UPB1: variants seen among roughly 807,000 people sequenced by gnomAD.
The protein encoded by UPB1 is beta-ureidopropionase 1, also known as beta-ureidopropionase.
UPB1 carries 40 observed loss-of-function variants against 49.1 expected under a neutral mutation model. That is an observed-to-expected ratio of 0.81 (90% CI 0.63 to 1.06). The LOEUF (loss-of-function observed/expected upper bound fraction) is 1.06. Among genes scored for constraint, UPB1 ranks in the 50% least tolerant of loss-of-function variants. The pLI is 0.00. For missense variants in UPB1, 499 were observed against 505.9 expected, an observed-to-expected ratio of 0.99 and a Z score of 0.13; for synonymous variants, 207 against 198.2, an observed-to-expected ratio of 1.04 and a Z score of -0.38.
chr22:24,515,951 G>A (rs750069196), intron 6 of UPB1, among the ~76,000 whole-genome samples: 80 of 152,142 alleles, frequency 5.3e-4, no homozygotes, highest in Non-Finnish European at 1.5e-4. Context: ...ACTCCAGCCT[G>A]GTGATAGAGC....
intron 9 of UPB1, 100 bp downstream of exon 9, chr22:24,523,873 T>C: frequency 6.4e-7 from 1 of 1,561,412 alleles, no homozygotes; most frequent in Non-Finnish European, 8.8e-7. Flanking sequence ...CAGCATGAGG[T>C]ACCAGCTCCC....
chr22:24,523,549 G>T, intron 8 of UPB1, 70 bp from the exon 9 acceptor site: 2 of 1,608,838 alleles, frequency 1.2e-6, no homozygotes, highest in East Asian at 2.2e-5. Flanking sequence ...GCCTCAAGGT[G>T]CCTGACCCTC....
chr22:24,513,585 C>T (rs1601502376), intron 5 of UPB1, 100 bp downstream of exon 5: 1 of 1,491,532 alleles, frequency 6.7e-7, no homozygotes, highest in Non-Finnish European at 9.1e-7. Flanking sequence ...TGTGCAGGAT[C>T]ATACTCCATG....
At chr22:24,499,270 A>G (rs1055041511) in intron 1 of UPB1, among the ~76,000 whole-genome samples, 4 of 152,174 alleles carry the variant, frequency 2.6e-5, no homozygotes, top group Non-Finnish European at 4.4e-5. Flanking sequence ...AATGGCTGTC[A>G]GGTTATTTTT....
intron 4 of UPB1, among the ~76,000 whole-genome samples, chr22:24,512,058 T>G (rs1002923311): frequency 1.3e-5 from 2 of 152,200 alleles, no homozygotes; most frequent in African/African-American, 4.8e-5. Flanking sequence ...TAGGGGCTTT[T>G]GGGGCAGAGC....
At chr22:24,512,734 A>G (rs2044228075) in intron 4 of UPB1, among the ~76,000 whole-genome samples, 1 of 152,014 alleles carries the variant, frequency 6.6e-6, no homozygotes, top group Non-Finnish European at 1.5e-5. Context: ...TATAGTTTCC[A>G]TTTCTGTGAG....
rs1033063297 is a variant in UPB1 at position 24,515,431 on chromosome 22, T to C, written c.791+61T>C. 7.4e-6 allele frequency: 12 copies of C among 1,611,168 alleles called. No individual in the cohort carries two copies. The Admixed American group carries it at 1.0e-4, about 13-fold the overall frequency. ...GGCCCAGCCAGCTAAAGCCCAAGGC[T>C]GGGCTGTGGAGCTCCAAGGTGGCAG... On this transcript the variant is annotated intron_variant, in intron 6 of 9. Coordinates refer to ENST00000326010, the MANE Select transcript of UPB1 (RefSeq NM_016327.3).
chr22:24,495,366 A>G lies in UPB1; in HGVS notation c.-38A>G, dbSNP rs1179904659. The G allele has an allele frequency of 1.9e-6, 3 of 1,607,190 alleles. No individual in the cohort carries two copies. Among genetic ancestry groups the G allele is most frequent in the Admixed American group, 1.7e-5 (1 of 60,022 alleles). ...CTCCCACTGCGGGCAAAGGGCAGGC[A>G]GTTCGTGCGCGGACACAAGCACTGG... On this transcript the variant is annotated 5_prime_UTR_variant, in exon 1 of 10. Transcript: ENST00000326010.
chr22:24,512,803 C>G (rs1022536191), intron 4 of UPB1, among the ~76,000 whole-genome samples: 3 of 152,128 alleles, frequency 2.0e-5, no homozygotes, highest in Non-Finnish European at 4.4e-5. Context: ...CTTTTTGGGA[C>G]TGGCTTATTT....
In UPB1 at chr22:24,528,296, C is replaced by T. The variant is rs2044497204; in HGVS notation, c.*2502C>T. 2.6e-5 allele frequency: 4 copies of T among 152,178 alleles called. No individual in the cohort carries two copies. The highest frequency in any genetic ancestry group is 2.6e-4 in the Admixed American group (4 of 15,270). 9.4% of individuals were successfully genotyped at this position (152,178 alleles called of 1,614,324 possible). A position where few individuals can be genotyped will look rare whatever the true frequency, so the allele number is the denominator to read the frequency against. ...TTGCCTGGAAACAGAACAGTCAGGCCCATCTTAGAGTATGCAGGCCCTGTA... is the reference window on the plus strand; with the variant it reads ...TTGCCTGGAAACAGAACAGTCAGGCTCATCTTAGAGTATGCAGGCCCTGTA... On this transcript the variant is annotated 3_prime_UTR_variant, in exon 10 of 10. Coordinates refer to ENST00000326010, the MANE Select transcript of UPB1 (RefSeq NM_016327.3).
chr22:24,496,980 A>G (rs2061974393), intron 1 of UPB1, among the ~76,000 whole-genome samples: 1 of 152,184 alleles, frequency 6.6e-6, no homozygotes, highest in Admixed American at 6.5e-5. Context: ...AGGGAGAGAC[A>G]GCAAGTGAGT....
At chr22:24,505,097 C>A (rs77556384) in intron 3 of UPB1, among the ~76,000 whole-genome samples, 4,037 of 152,002 alleles carry the variant, frequency 0.027, 178 homozygotes, top group African/African-American at 0.091. Context: ...TGTCAGTCAG[C>A]CCTCCTATTC....
intron 6 of UPB1, among the ~76,000 whole-genome samples, chr22:24,515,805 G>A (rs2044284208): frequency 6.6e-6 from 1 of 152,080 alleles, no homozygotes; most frequent in African/African-American, 2.4e-5. Flanking sequence ...GTGAAACCCT[G>A]TCTCTACTAA....
intron 1 of UPB1, among the ~76,000 whole-genome samples, chr22:24,497,865 C>G (rs2043921058): frequency 1.3e-5 from 2 of 152,160 alleles, no homozygotes; most frequent in African/African-American, 4.8e-5. Context: ...GGTCTGTGGG[C>G]CTGGTAGCTG....
At chr22:24,504,405 T>C (rs967014501) in intron 3 of UPB1, among the ~76,000 whole-genome samples, 1 of 152,252 alleles carries the variant, frequency 6.6e-6, no homozygotes, top group African/African-American at 2.4e-5. Flanking sequence ...TTTTGGGCAT[T>C]GTTGAGTAGT....
Position 24,502,147 on chromosome 22 carries a change from A to T in UPB1, c.298A>T (p.Ile100Leu), listed in dbSNP as rs755697579. The T allele has an allele frequency of 5.6e-6, 9 of 1,614,130 alleles. No homozygotes were observed. Among genetic ancestry groups the T allele is most frequent in the Non-Finnish European group, 7.6e-6 (9 of 1,180,052 alleles). The stretch of plus-strand genomic sequence containing the variant: ...TCAGGTCTCTGCCCTTCATAGACGC[A>T]TAAAGGCTATCGTAGAGGTGGCTGC... ...AEQVSALHRR[I>L]KAIVEVAAMC... The change falls in exon 3 of 10, where the codon ATA becomes TTA. Residue 100 changes from isoleucine to leucine, a missense_variant. Coordinates refer to ENST00000326010, the MANE Select transcript of UPB1 (RefSeq NM_016327.3).
intron 8 of UPB1, among the ~76,000 whole-genome samples, chr22:24,523,363 A>G (rs1416152197): frequency 1.3e-5 from 2 of 152,228 alleles, no homozygotes; most frequent in Non-Finnish European, 2.9e-5. Flanking sequence ...GGTAGAAGTG[A>G]CACCTCTCAG....
chr22:24,498,560 G>T (rs2043932693), intron 1 of UPB1, among the ~76,000 whole-genome samples: 1 of 152,192 alleles, frequency 6.6e-6, no homozygotes, highest in Non-Finnish European at 1.5e-5. Flanking sequence ...GTATTACCTT[G>T]GCTTAGAATG....
chr22:24,499,940 C>A (rs1377256372), intron 1 of UPB1, among the ~76,000 whole-genome samples, 167 bp from the exon 2 acceptor site: 1 of 152,248 alleles, frequency 6.6e-6, no homozygotes, highest in Non-Finnish European at 1.5e-5. Context: ...TCTGTCATGG[C>A]TGGACCCCAC....
Sources: allele counts gnomAD v4.1 joint callset (sites outside exome capture counted in the v4.1 genomes callset), GRCh38; gene constraint gnomAD v4.1.1; transcripts MANE v1.5; gene names NCBI Gene and HGNC (gene_info 2026-07-23, HGNC 2026-07-21).